The following DLC1 variants were observed in gnomAD, a reference collection of about 807,000 sequenced individuals.
DLC1 encodes the protein rho GTPase-activating protein 7.
A neutral mutation model predicts 140.3 loss-of-function variants in DLC1; 54 were observed. The ratio of observed to expected loss-of-function variants is 0.38; its 90% CI spans 0.31 to 0.48. The LOEUF is 0.48. Ranked by LOEUF, DLC1 falls within the 20% of genes least tolerant of loss-of-function variation. The probability of loss-of-function intolerance (pLI) is 0.96; values close to 1 mark genes in which losing one functional copy is unlikely to be tolerated. For missense variants in DLC1, 2,536 were observed against 1,907.0 expected (o/e 1.33, Z -6.14); for synonymous variants, 986 against 728.1 (o/e 1.35, Z -5.70).
At chr8:13,384,577 A>G (rs556886626) in intron 4 of DLC1, among the ~76,000 whole-genome samples, 225 of 123,996 alleles carry the variant, frequency 1.8e-3, no homozygotes, top group African/African-American at 5.9e-3. Flanking sequence ...AAATCATTTA[A>G]TATTCTGACT....
At chr8:13,197,382 T>G (rs1337731358) in intron 5 of DLC1, among the ~76,000 whole-genome samples, 1 of 152,112 alleles carries the variant, frequency 6.6e-6, no homozygotes, top group Non-Finnish European at 1.5e-5. Context: ...GGAGTCTTGC[T>G]CTGTCGCCCA....
chr8:13,209,563 T>C (rs943248017), intron 5 of DLC1, among the ~76,000 whole-genome samples: 2 of 152,182 alleles, frequency 1.3e-5, no homozygotes, highest in Non-Finnish European at 2.9e-5. Context: ...TGCCCGAATC[T>C]CATGTTGAAA....
At chr8:13,220,882 C>T (rs1188299) in intron 5 of DLC1, among the ~76,000 whole-genome samples, 1 of 152,058 alleles carries the variant, frequency 6.6e-6, no homozygotes, top group African/African-American at 2.4e-5. Flanking sequence ...TGACTGTGGG[C>T]CCTGCCAGGC....
intron 1 of DLC1, among the ~76,000 whole-genome samples, chr8:13,587,493 G>T (rs992111577): frequency 6.7e-6 from 1 of 149,934 alleles, no homozygotes; most frequent in Non-Finnish European, 1.5e-5. Flanking sequence ...TGAACCACTG[G>T]TGTGTTTTCC....
chr8:13,277,092 T>C (rs1046862854), intron 5 of DLC1, among the ~76,000 whole-genome samples: 1 of 152,108 alleles, frequency 6.6e-6, no homozygotes, highest in Admixed American at 6.5e-5. Flanking sequence ...AGGCTGAGGC[T>C]GGAGGATCAC....
intron 6 of DLC1, 79 bp downstream of exon 6, chr8:13,115,507 A>G (rs999615436): frequency 1.6e-6 from 2 of 1,285,792 alleles, no homozygotes; most frequent in Non-Finnish European, 2.2e-6. Flanking sequence ...ACTGCTGAAA[A>G]TAAGTCATAG....
chr8:13,100,607 C>T lies in DLC1; in HGVS notation c.1730G>A (p.Ser577Asn), dbSNP rs145901252. The T allele has an allele frequency of 4.7e-5, 76 of 1,614,006 alleles. No homozygotes were observed. In the Middle Eastern group the frequency reaches 2.0e-3, roughly 42 times the overall value. ...GAGGTCCATCAGCGTGCCTCCGGGGCTGGGGCCGTCCTTCGGGTGGGAGTC... is the reference window on the plus strand; with the variant it reads ...GAGGTCCATCAGCGTGCCTCCGGGGTTGGGGCCGTCCTTCGGGTGGGAGTC... The part of the protein sequence containing the change: ...PDDSHPKDGP[S>N]PGGTLMDLSE... Residue 577 changes from serine to asparagine, a missense_variant, in exon 9 of 18, where the codon AGC becomes AAC. Coordinates refer to ENST00000276297, the MANE Select transcript of DLC1 (RefSeq NM_182643.3).
chr8:13,556,265 C>T (rs1327413377), intron 1 of DLC1, among the ~76,000 whole-genome samples: 1 of 152,166 alleles, frequency 6.6e-6, no homozygotes, highest in Non-Finnish European at 1.5e-5. Flanking sequence ...ACACTCCCAG[C>T]AGATGCCAAT....
intron 5 of DLC1, among the ~76,000 whole-genome samples, chr8:13,300,544 T>C (rs1046870964): frequency 6.6e-6 from 1 of 152,164 alleles, no homozygotes; most frequent in Non-Finnish European, 1.5e-5. Context: ...TCTTCGTGGC[T>C]GAATGAGGAA....
At chr8:13,590,312 T>A (rs996834111) in intron 1 of DLC1, among the ~76,000 whole-genome samples, 1 of 152,036 alleles carries the variant, frequency 6.6e-6, no homozygotes, top group Non-Finnish European at 1.5e-5. Context: ...CAGTTTTTTT[T>A]TGCAGCTATT....
intron 4 of DLC1, among the ~76,000 whole-genome samples, chr8:13,338,101 C>G (rs1040110988): frequency 2.5e-4 from 38 of 152,098 alleles, no homozygotes; most frequent in African/African-American, 8.9e-4. Context: ...TAGTTCTGTG[C>G]AATTGAAAGA....
chr8:13,336,017 T>C (rs1392516624), intron 4 of DLC1, among the ~76,000 whole-genome samples: 1 of 152,146 alleles, frequency 6.6e-6, no homozygotes, highest in African/African-American at 2.4e-5. Context: ...TATATTGTAC[T>C]GGAATTTTAA....
intron 1 of DLC1, chr8:13,584,040 G>T (rs1459664383): frequency 6.6e-6 from 1 of 152,604 alleles, no homozygotes; most frequent in East Asian, 1.9e-4. Context: ...GTTGAGCACT[G>T]GTAGAAAGTG....
intron 5 of DLC1, among the ~76,000 whole-genome samples, chr8:13,202,278 T>C (rs1827431041): frequency 6.6e-6 from 1 of 152,140 alleles, no homozygotes. Flanking sequence ...AACGTTTTAA[T>C]AAGTTTTGTT....
chr8:13,232,108 C>A (rs532190838), intron 5 of DLC1, among the ~76,000 whole-genome samples: 2 of 152,086 alleles, frequency 1.3e-5, no homozygotes, highest in Non-Finnish European at 2.9e-5. Context: ...TTTCACTTGG[C>A]CTTTGGTGTC....
intron 5 of DLC1, among the ~76,000 whole-genome samples, chr8:13,250,985 C>A (rs1199365227): frequency 6.6e-6 from 1 of 152,166 alleles, no homozygotes; most frequent in Non-Finnish European, 1.5e-5. Flanking sequence ...TAACAGAATG[C>A]CACAGATTCA....
chr8:13,361,603 T>G (rs951052273), intron 4 of DLC1, among the ~76,000 whole-genome samples: 1 of 152,096 alleles, frequency 6.6e-6, no homozygotes, highest in African/African-American at 2.4e-5. Context: ...AATGGACATT[T>G]TAGGTATCAT....
At chr8:13,347,597 C>T (rs1563271831) in intron 4 of DLC1, among the ~76,000 whole-genome samples, 1 of 152,134 alleles carries the variant, frequency 6.6e-6, no homozygotes, top group Admixed American at 6.5e-5. Flanking sequence ...TAGTCCTAGG[C>T]ACCAGAAGAT....
chr8:13,514,577 A>G (rs1034240443), intron 1 of DLC1, 25 bp downstream of exon 1: 6 of 398,468 alleles, frequency 1.5e-5, no homozygotes, highest in African/African-American at 1.0e-4. Context: ...GCCTCAAAGC[A>G]TAAAGATAGT....
Sources: allele counts gnomAD v4.1 joint callset (sites outside exome capture counted in the v4.1 genomes callset), GRCh38; gene constraint gnomAD v4.1.1; transcripts MANE v1.5; gene names NCBI Gene and HGNC (gene_info 2026-07-23, HGNC 2026-07-21).